TCF12: variants seen among roughly 807,000 people sequenced by gnomAD.
TCF12 encodes transcription factor 12.
TCF12 carries 45 observed loss-of-function variants against 86.0 expected under a neutral mutation model. The ratio of observed to expected loss-of-function variants is 0.52; its 90% CI spans 0.41 to 0.67. The LOEUF is 0.67. Among genes scored for constraint, TCF12 ranks in the 30% least tolerant of loss-of-function variants. The probability of loss-of-function intolerance (pLI) is 0.00; values close to 1 mark genes in which losing one functional copy is unlikely to be tolerated. For missense variants in TCF12, 881 were observed against 859.9 expected, an observed-to-expected ratio of 1.02 and a Z score of -0.31; for synonymous variants, 330 against 299.6, an observed-to-expected ratio of 1.10 and a Z score of -1.05.
At chr15:57,236,441 T>A (rs2059383547) in intron 12 of TCF12, among the ~76,000 whole-genome samples, 1 of 152,218 alleles carries the variant, frequency 6.6e-6, no homozygotes, top group Non-Finnish European at 1.5e-5. Flanking sequence ...ATTATAGATA[T>A]TTTGAAATGG....
intron 3 of TCF12, among the ~76,000 whole-genome samples, chr15:57,056,806 C>T (rs1243488622): frequency 1.4e-4 from 20 of 142,284 alleles, no homozygotes; most frequent in African/African-American, 5.2e-4. Flanking sequence ...GAGATTTTCA[C>T]TTTTTTTTTT....
chr15:57,119,830 T>C (rs2051104310), intron 5 of TCF12, among the ~76,000 whole-genome samples: 1 of 152,144 alleles, frequency 6.6e-6, no homozygotes, highest in South Asian at 2.1e-4. Context: ...TTTATATCTC[T>C]TTAAAAAAAT....
intron 5 of TCF12, among the ~76,000 whole-genome samples, chr15:57,093,354 A>T (rs1442157599): frequency 1.3e-5 from 2 of 152,210 alleles, no homozygotes; most frequent in Admixed American, 1.3e-4. Flanking sequence ...TAAGTGTAGT[A>T]GGGCAAGTAA....
intron 4 of TCF12, among the ~76,000 whole-genome samples, chr15:57,076,135 C>T (rs373671781): frequency 6.6e-6 from 1 of 151,856 alleles, no homozygotes; most frequent in East Asian, 2.0e-4. Flanking sequence ...AGATTATAGG[C>T]ATGAGCCACT....
At chr15:57,283,254 T>C (rs762576512) in intron 20 of TCF12, among the ~76,000 whole-genome samples, 5 of 151,398 alleles carry the variant, frequency 3.3e-5, no homozygotes, top group Non-Finnish European at 7.4e-5. Context: ...ATTCAGTTCC[T>C]TGTGATTTTT....
intron 3 of TCF12, among the ~76,000 whole-genome samples, chr15:57,032,072 A>G (rs1211050771): frequency 1.3e-5 from 2 of 152,214 alleles, no homozygotes; most frequent in African/African-American, 4.8e-5. Context: ...GGAGGACAGA[A>G]AAAGATATCC....
chr15:56,918,122 C>G, upstream of TCF12: 1 of 443,982 alleles, frequency 2.3e-6, no homozygotes, highest in Non-Finnish European at 4.5e-6. Flanking sequence ...CTCCCGTCTC[C>G]ACACGCGCGG....
chr15:56,924,018 T>C (rs751189283), intron 3 of TCF12, among the ~76,000 whole-genome samples: 1 of 152,132 alleles, frequency 6.6e-6, no homozygotes, highest in Non-Finnish European at 1.5e-5. Context: ...TACTGATCTT[T>C]TTTTGTGGGG....
At chr15:57,194,810 C>G (rs1468702801) in intron 7 of TCF12, among the ~76,000 whole-genome samples, 1 of 152,146 alleles carries the variant, frequency 6.6e-6, no homozygotes, top group East Asian at 1.9e-4. Flanking sequence ...GTAACTGAAG[C>G]TCAAAGAGGG....
At chr15:57,252,395 C>G (rs748563788) in intron 14 of TCF12, 26 bp from the exon 15 acceptor site, 3 of 1,603,532 alleles carry the variant, frequency 1.9e-6, no homozygotes, top group Non-Finnish European at 2.6e-6. Flanking sequence ...TGTGCTTTGC[C>G]TCCTGTTCTG....
At chr15:57,129,022 T>C (rs1276172342) in intron 5 of TCF12, among the ~76,000 whole-genome samples, 1 of 152,204 alleles carries the variant, frequency 6.6e-6, no homozygotes, top group African/African-American at 2.4e-5. Flanking sequence ...TATGGACGTA[T>C]TTTCAGTTCT....
At chr15:56,997,881 G>C (rs2063797150) in intron 3 of TCF12, among the ~76,000 whole-genome samples, 1 of 152,136 alleles carries the variant, frequency 6.6e-6, no homozygotes, top group South Asian at 2.1e-4. Flanking sequence ...GATATAGCAT[G>C]CAAACACTAT....
chr15:57,090,783 G>A (rs1019116430), intron 4 of TCF12, among the ~76,000 whole-genome samples: 5 of 152,010 alleles, frequency 3.3e-5, no homozygotes, highest in Non-Finnish European at 7.4e-5. Context: ...ACGTTTTTCC[G>A]GTCTTTACCA....
chr15:57,184,214 G>T (rs895206649), intron 6 of TCF12, among the ~76,000 whole-genome samples: 3 of 151,808 alleles, frequency 2.0e-5, no homozygotes, highest in Admixed American at 1.3e-4. Flanking sequence ...TACGTTTTCT[G>T]TTGCAACACT....
chr15:57,063,698 A>G, intron 3 of TCF12, 52 bp from the exon 4 acceptor site: 1 of 1,534,192 alleles, frequency 6.5e-7, no homozygotes, highest in Non-Finnish European at 9.0e-7. Flanking sequence ...GTACCAAAAA[A>G]ATCCACAAAA....
chr15:57,141,612 G>C (rs1284244409), intron 5 of TCF12, among the ~76,000 whole-genome samples: 3 of 152,142 alleles, frequency 2.0e-5, no homozygotes, highest in African/African-American at 7.2e-5. Context: ...GCCTCCCGAA[G>C]TGCTGGGATT....
intron 5 of TCF12, among the ~76,000 whole-genome samples, chr15:57,109,784 T>C (rs2050369379): frequency 6.6e-6 from 1 of 152,246 alleles, no homozygotes; most frequent in South Asian, 2.1e-4. Flanking sequence ...TCATTAGATA[T>C]TCTTATCTGA....
intron 19 of TCF12, chr15:57,281,782 C>G (rs1399444840): frequency 2.0e-5 from 3 of 152,722 alleles, no homozygotes; most frequent in African/African-American, 4.8e-5. Context: ...AGGGCTCCCA[C>G]TGACTTAATG....
At chr15:57,195,244 G>A (rs533173052) in intron 7 of TCF12, among the ~76,000 whole-genome samples, 6 of 152,140 alleles carry the variant, frequency 3.9e-5, no homozygotes, top group African/African-American at 9.7e-5. Flanking sequence ...AGAAGTGGTC[G>A]GTGAATCCCA....
Sources: gnomAD v4.1 joint callset for allele counts (sites outside exome capture counted in the v4.1 genomes callset) on GRCh38, gnomAD v4.1.1 for gene constraint, MANE v1.5 for transcripts, NCBI Gene and HGNC (gene_info 2026-07-23, HGNC 2026-07-21) for gene names.